Variants in ARMC9 observed in about 807,000 individuals in gnomAD.
ARMC9 encodes the protein armadillo repeat containing 9, also known as lisH domain-containing protein ARMC9.
ARMC9 carries 94 observed loss-of-function variants against 107.0 expected under a neutral mutation model. The ratio of observed to expected loss-of-function variants is 0.88; its 90% CI spans 0.74 to 1.04. The LOEUF is 1.04. Among genes scored for constraint, ARMC9 ranks in the 50% least tolerant of loss-of-function variants. ARMC9 has a pLI of 0.00. For synonymous variants in ARMC9, 380 were observed against 396.9 expected (o/e 0.96, Z 0.51); for missense variants, 942 against 1,030.1 (o/e 0.91, Z 1.17).
chr2:231,199,777 C>G (rs1045739838), intron 1 of ARMC9, among the ~76,000 whole-genome samples: 4 of 152,192 alleles, frequency 2.6e-5, no homozygotes, highest in South Asian at 4.1e-4. Flanking sequence ...CTCACTGCAA[C>G]CTCCACCTCC....
intron 20 of ARMC9, among the ~76,000 whole-genome samples, chr2:231,333,634 C>T (rs1485632961): frequency 2.6e-5 from 4 of 152,140 alleles, no homozygotes; most frequent in African/African-American, 9.7e-5. Context: ...TTGTCAGAGA[C>T]GCGGCTCCGT....
At chr2:231,369,849 C>A (rs1475835331) in intron 23 of ARMC9, 104 bp from the exon 24 acceptor site, 7 of 1,208,326 alleles carry the variant, frequency 5.8e-6, no homozygotes, top group Non-Finnish European at 7.5e-6. Flanking sequence ...CCGCCTTGGC[C>A]TCTCAGAGTG....
intron 6 of ARMC9, among the ~76,000 whole-genome samples, chr2:231,225,432 A>T (rs2034550872): frequency 6.6e-6 from 1 of 152,172 alleles, no homozygotes; most frequent in African/African-American, 2.4e-5. Flanking sequence ...AACATTATTC[A>T]TAATAGCCAA....
At chr2:231,329,372 G>A (rs537994736) in intron 19 of ARMC9, among the ~76,000 whole-genome samples, 46 of 152,030 alleles carry the variant, frequency 3.0e-4, no homozygotes, top group African/African-American at 9.4e-4. Flanking sequence ...GTGCAGTGGC[G>A]TGATCTTGGC....
intron 19 of ARMC9, among the ~76,000 whole-genome samples, chr2:231,323,662 A>G (rs2043128938): frequency 6.6e-6 from 1 of 152,230 alleles, no homozygotes. Context: ...TTCCAAAAGC[A>G]GAGAATTTAA....
chr2:231,251,284 G>A (rs904486118), intron 9 of ARMC9, among the ~76,000 whole-genome samples: 36 of 151,370 alleles, frequency 2.4e-4, no homozygotes, highest in African/African-American at 8.5e-4. Context: ...CTCCTGCCTC[G>A]GCCTCCCAAG....
At chr2:231,326,057 A>G (rs56678553) in intron 19 of ARMC9, among the ~76,000 whole-genome samples, 21,727 of 152,000 alleles carry the variant, frequency 0.14, 3,166 homozygotes, top group East Asian at 0.55. Context: ...CCCTCCCATT[A>G]CTCTCTGTGT....
intron 23 of ARMC9, among the ~76,000 whole-genome samples, chr2:231,367,011 T>C (rs1405646225): frequency 2.0e-5 from 3 of 150,952 alleles, no homozygotes; most frequent in African/African-American, 2.4e-5. Flanking sequence ...CCACCACGCC[T>C]GGCTAATTTT....
chr2:231,288,755 G>A (rs2040788105), intron 17 of ARMC9: 3 of 470,714 alleles, frequency 6.4e-6, no homozygotes, highest in African/African-American at 2.0e-5. Flanking sequence ...CACGGCCGGC[G>A]AGGGGCTACG....
At chr2:231,270,888 G>A (rs1420725285) in intron 12 of ARMC9, 94 bp from the exon 13 acceptor site, 2 of 1,001,200 alleles carry the variant, frequency 2.0e-6, no homozygotes, top group Non-Finnish European at 3.1e-6. Flanking sequence ...AATAAATTCA[G>A]GCAGAGGAAG....
At chr2:231,265,178 T>C (rs1433734598) in intron 12 of ARMC9, among the ~76,000 whole-genome samples, 1 of 151,976 alleles carries the variant, frequency 6.6e-6, no homozygotes, top group Admixed American at 6.6e-5. Flanking sequence ...GTACAACCAC[T>C]ATGGAAAACA....
intron 20 of ARMC9, among the ~76,000 whole-genome samples, chr2:231,336,103 A>G (rs1341649386): frequency 6.6e-6 from 1 of 151,972 alleles, no homozygotes; most frequent in Non-Finnish European, 1.5e-5. Context: ...ATAAATAAAT[A>G]CAAATACAAA....
At chr2:231,245,107 C>T (rs527864197) in intron 9 of ARMC9, among the ~76,000 whole-genome samples, 1 of 152,324 alleles carries the variant, frequency 6.6e-6, no homozygotes, top group African/African-American at 2.4e-5. Context: ...GGACGGTATT[C>T]ATTTCTTTGA....
At chr2:231,258,282 A>T (rs2038020848) in intron 10 of ARMC9, among the ~76,000 whole-genome samples, 1 of 151,964 alleles carries the variant, frequency 6.6e-6, no homozygotes, top group African/African-American at 2.4e-5. Context: ...CCTGGGTTCA[A>T]GCGATTCTCC....
chr2:231,324,940 C>T (rs1186940976), intron 19 of ARMC9, among the ~76,000 whole-genome samples: 2 of 151,468 alleles, frequency 1.3e-5, no homozygotes, highest in African/African-American at 4.9e-5. Context: ...TAAAACAAAA[C>T]GAGCTGGGTG....
At chr2:231,332,081 G>A (rs530997528) in intron 20 of ARMC9, among the ~76,000 whole-genome samples, 184 bp downstream of exon 20, 82 of 152,332 alleles carry the variant, frequency 5.4e-4, no homozygotes, top group African/African-American at 1.9e-3. Context: ...CTAGCTACCT[G>A]TCACAAGTAG....
chr2:231,248,385 C>A (rs1315897207), intron 9 of ARMC9, among the ~76,000 whole-genome samples: 1 of 152,092 alleles, frequency 6.6e-6, no homozygotes, highest in African/African-American at 2.4e-5. Context: ...TTATTTGTAC[C>A]CTTCATGTTC....
intron 12 of ARMC9, among the ~76,000 whole-genome samples, chr2:231,265,685 G>A (rs979016589): frequency 1.3e-5 from 2 of 150,030 alleles, no homozygotes; most frequent in Non-Finnish European, 1.5e-5. Flanking sequence ...CCAGAAACTT[G>A]AAATAAAACT....
At chr2:231,256,459 CAAAA>C in intron 9 of ARMC9, 123 bp from the exon 10 acceptor site, 8 of 950,090 alleles carry the variant, frequency 8.4e-6, no homozygotes, top group Non-Finnish European at 1.2e-5. Flanking sequence ...AAAAAAAAAC[CAAAA>C]AAAAAAACCC....
Sources: gnomAD v4.1 joint callset for allele counts (sites outside exome capture counted in the v4.1 genomes callset) on GRCh38, gnomAD v4.1.1 for gene constraint, MANE v1.5 for transcripts, NCBI Gene and HGNC (gene_info 2026-07-23, HGNC 2026-07-21) for gene names.